The following EYS variants were observed in gnomAD, a reference collection of about 807,000 sequenced individuals.
EYS encodes EGF-like photoreceptor maintenance factor, also known as protein eyes shut homolog.
EYS carries 250 observed loss-of-function variants against 282.1 expected under a neutral mutation model. The ratio of observed to expected loss-of-function variants is 0.89; its 90% CI spans 0.80 to 0.98. The LOEUF (loss-of-function observed/expected upper bound fraction) is 0.98. Among genes scored for constraint, EYS ranks in the 50% least tolerant of loss-of-function variants. The probability of loss-of-function intolerance (pLI) is 0.00; values close to 1 mark genes in which losing one functional copy is unlikely to be tolerated. For synonymous variants in EYS, 1,355 were observed against 1,282.9 expected (o/e 1.06, Z -1.20); for missense variants, 4,016 against 3,709.0 (o/e 1.08, Z -2.15).
At chr6:64,442,540 A>G (rs1774982249) in intron 26 of EYS, among the ~76,000 whole-genome samples, 1 of 152,224 alleles carries the variant, frequency 6.6e-6, no homozygotes. Flanking sequence ...AGAGGTCTTC[A>G]TGGCAGCCCC....
intron 31 of EYS, among the ~76,000 whole-genome samples, chr6:64,195,234 T>A (rs969589276): frequency 2.6e-5 from 4 of 152,228 alleles, no homozygotes; most frequent in Non-Finnish European, 4.4e-5. Flanking sequence ...CAAACTGTTT[T>A]TTTGAGATTA....
chr6:65,604,136 T>C (rs769675953), intron 2 of EYS, among the ~76,000 whole-genome samples: 3 of 152,060 alleles, frequency 2.0e-5, no homozygotes, highest in South Asian at 4.1e-4. Context: ...TTCTCTTACA[T>C]AGTTTGGTTG....
chr6:63,800,050 G>A (rs1770746960), intron 37 of EYS, among the ~76,000 whole-genome samples: 1 of 152,176 alleles, frequency 6.6e-6, no homozygotes, highest in Admixed American at 6.5e-5. Context: ...CACTAATTGT[G>A]GAGGATTGCT....
intron 6 of EYS, among the ~76,000 whole-genome samples, chr6:65,404,897 A>T (rs184790647): frequency 6.6e-6 from 1 of 152,042 alleles, no homozygotes; most frequent in Non-Finnish European, 1.5e-5. Context: ...AAGTTAAAGT[A>T]AAACAATATT....
chr6:65,269,487 T>C (rs531411013), intron 12 of EYS, among the ~76,000 whole-genome samples: 13 of 152,274 alleles, frequency 8.5e-5, no homozygotes, highest in Admixed American at 7.2e-4. Flanking sequence ...GACTTGGTAG[T>C]TCTGAGTTTC....
chr6:65,415,053 C>T (rs553788328), intron 5 of EYS, among the ~76,000 whole-genome samples: 1 of 151,962 alleles, frequency 6.6e-6, no homozygotes, highest in Non-Finnish European at 1.5e-5. Flanking sequence ...TTGTCAAATA[C>T]TGCAAATGGT....
chr6:65,313,044 C>A (rs1393692), intron 11 of EYS, among the ~76,000 whole-genome samples: 3 of 152,240 alleles, frequency 2.0e-5, no homozygotes, highest in African/African-American at 7.2e-5. Flanking sequence ...ACCAGCAACA[C>A]GGACACAAAG....
At chr6:64,277,604 G>A (rs1025772689) in intron 30 of EYS, among the ~76,000 whole-genome samples, 1 of 152,072 alleles carries the variant, frequency 6.6e-6, no homozygotes, top group African/African-American at 2.4e-5. Flanking sequence ...CAGAAAGAAA[G>A]TATAATTATA....
intron 13 of EYS, among the ~76,000 whole-genome samples, chr6:65,049,195 A>G (rs1773194013): frequency 6.6e-6 from 1 of 151,830 alleles, no homozygotes; most frequent in South Asian, 2.1e-4. Flanking sequence ...TTTTCCCCAG[A>G]TTAATGACTT....
intron 22 of EYS, among the ~76,000 whole-genome samples, chr6:64,686,124 T>G (rs1583038477): frequency 1.3e-5 from 2 of 150,694 alleles, no homozygotes; most frequent in Admixed American, 1.3e-4. Context: ...CAGGAAACTG[T>G]TAAAGCAGTG....
intron 42 of EYS, 97 bp downstream of exon 42, chr6:63,726,422 T>C: frequency 2.8e-6 from 3 of 1,061,778 alleles, no homozygotes; most frequent in Non-Finnish European, 4.0e-6. Flanking sequence ...CATCAAATGT[T>C]TACATATTTA....
intron 5 of EYS, among the ~76,000 whole-genome samples, chr6:65,484,762 T>C (rs1011070530): frequency 1.3e-5 from 2 of 152,212 alleles, no homozygotes; most frequent in Non-Finnish European, 2.9e-5. Flanking sequence ...TAGATATTTG[T>C]CTGTATGTTC....
intron 2 of EYS, among the ~76,000 whole-genome samples, chr6:65,572,629 G>T (rs1764517705): frequency 6.6e-6 from 1 of 152,066 alleles, no homozygotes; most frequent in Admixed American, 6.6e-5. Context: ...GGTGATCAGA[G>T]CAACAGGCGA....
intron 35 of EYS, among the ~76,000 whole-genome samples, chr6:63,904,927 A>G (rs1018981030): frequency 6.6e-6 from 1 of 152,256 alleles, no homozygotes; most frequent in African/African-American, 2.4e-5. Flanking sequence ...TGTTTAAACC[A>G]TTCTAAAGTG....
chr6:65,072,347 C>A (rs368583177), intron 12 of EYS, among the ~76,000 whole-genome samples: 5 of 151,616 alleles, frequency 3.3e-5, no homozygotes, highest in African/African-American at 1.2e-4. Context: ...CAGATATACA[C>A]CAGAACAATA....
At chr6:64,652,267 G>A (rs1187235174) in intron 22 of EYS, among the ~76,000 whole-genome samples, 1 of 152,100 alleles carries the variant, frequency 6.6e-6, no homozygotes, top group Non-Finnish European at 1.5e-5. Flanking sequence ...AAATTAACTG[G>A]GGGTGGGCCT....
intron 12 of EYS, among the ~76,000 whole-genome samples, chr6:65,059,549 G>A (rs568035506): frequency 6.6e-5 from 10 of 152,192 alleles, no homozygotes; most frequent in African/African-American, 2.2e-4. Flanking sequence ...ATGGCTCCCA[G>A]GTCCTTGAGA....
chr6:63,957,160 C>T (rs1765864463), intron 35 of EYS, among the ~76,000 whole-genome samples: 1 of 96,028 alleles, frequency 1.0e-5, no homozygotes. Flanking sequence ...ACATTACTGT[C>T]TTCTTGTACT....
At chr6:64,761,781 A>G (rs1583127398) in intron 22 of EYS, among the ~76,000 whole-genome samples, 2 of 152,262 alleles carry the variant, frequency 1.3e-5, no homozygotes, top group Admixed American at 1.3e-4. Flanking sequence ...TTCGAGGACT[A>G]AAGAACAAAT....
Sources: allele counts gnomAD v4.1 joint callset (sites outside exome capture counted in the v4.1 genomes callset), GRCh38; gene constraint gnomAD v4.1.1; transcripts MANE v1.5; gene names NCBI Gene and HGNC (gene_info 2026-07-23, HGNC 2026-07-21).